The following CEBPZ variants were observed in gnomAD, a reference collection of about 807,000 sequenced individuals.
CEBPZ encodes CCAAT enhancer binding protein zeta, also known as CCAAT/enhancer-binding protein zeta.
A neutral mutation model predicts 104.5 loss-of-function variants in CEBPZ; 78 were observed. The ratio of observed to expected loss-of-function variants is 0.75; its 90% CI spans 0.62 to 0.90. CEBPZ has a LOEUF of 0.90. Among genes scored for constraint, CEBPZ ranks in the 40% least tolerant of loss-of-function variants. The probability of loss-of-function intolerance (pLI) is 0.00; values close to 1 mark genes in which losing one functional copy is unlikely to be tolerated. For synonymous variants in CEBPZ, 470 were observed against 427.0 expected, an observed-to-expected ratio of 1.10 and a Z score of -1.24; for missense variants, 1,439 against 1,233.5, an observed-to-expected ratio of 1.17 and a Z score of -2.50.
In CEBPZ at chr2:37,211,289, T is replaced by C. The variant is rs183451635; in HGVS notation, c.2801-207A>G. On this transcript the variant is annotated intron_variant, in intron 12 of 15. Transcript: ENST00000234170. ...GCACAGTTCTAATATTTTGTGCAAG[T>C]ACAAAATTTTCTAAATAGCTTCATT... 4 of 383,118 alleles carry C rather than the reference T, an allele frequency of 1.0e-5. No homozygotes were observed. In the East Asian group the frequency reaches 1.5e-4, roughly 15 times the overall value. 23.7% of individuals were successfully genotyped at this position (383,118 alleles called of 1,614,324 possible).
In CEBPZ at chr2:37,228,937, C is replaced by T; in HGVS notation, c.256G>A (p.Ala86Thr). 1 of 1,611,428 alleles carries T rather than the reference C, an allele frequency of 6.2e-7. No individual in the cohort carries two copies. Among genetic ancestry groups the T allele is most frequent in the Non-Finnish European group, 8.5e-7 (1 of 1,179,124 alleles). Residue 86 changes from alanine (A) to threonine (T), a missense_variant, in exon 2 of 16, where the codon GCA (alanine) becomes ACA (threonine). By Grantham distance (58) the Ala-to-Thr change is moderately conservative. Coordinates refer to ENST00000234170, the MANE Select transcript of CEBPZ (RefSeq NM_005760.3). ...IDDLQQGELEAFIQNLNLAKY... is the reference protein window; with the variant it reads ...IDDLQQGELETFIQNLNLAKY... The stretch of plus-strand genomic sequence containing the variant: ...GCCAAATTAAGATTTTGAATAAATG[C>T]TTCCAATTCACCTTGCTGAAGGTCA...
At chr2:37,217,731 T>C (rs912121167) in intron 5 of CEBPZ, among the ~76,000 whole-genome samples, 1 of 148,784 alleles carries the variant, frequency 6.7e-6, no homozygotes, top group Non-Finnish European at 1.5e-5. Flanking sequence ...TGAAACCCCA[T>C]CTCTACTAAA....
At position 37,228,195 on chromosome 2, in the gene CEBPZ, CATA is replaced by C. The variant is rs1334385291; in HGVS notation, c.995_997del (p.Leu332del). ...GTGTTTCAGCTGGTGTTCAAAATAC[CATA>C]ATATCAGTCTTCTATCTCTTGAGTC... On this transcript the variant is annotated inframe_deletion, in exon 2 of 16. Transcript: ENST00000234170. The C allele has an allele frequency of 4.3e-6, 7 of 1,614,170 alleles. No individual in the cohort carries two copies. The highest frequency in any genetic ancestry group is 5.9e-6 in the Non-Finnish European group (7 of 1,180,038).
chr2:37,206,700 T>C (rs1206984397), intron 13 of CEBPZ, among the ~76,000 whole-genome samples: 5 of 152,138 alleles, frequency 3.3e-5, no homozygotes, highest in African/African-American at 1.2e-4. Flanking sequence ...TACACCAAAA[T>C]AGAGCCTTCT....
In CEBPZ at chr2:37,229,109, A is replaced by G. The variant is rs1039120177; in HGVS notation, c.157-73T>C. On this transcript the variant is annotated intron_variant, in intron 1 of 15. Coordinates refer to ENST00000234170, the MANE Select transcript of CEBPZ (RefSeq NM_005760.3). ...AAACCATAAAATAATAGGAAACACA[A>G]CATAATTTTAAAAATAATTTCGGAA... 7 of 1,243,760 alleles carry G rather than the reference A, an allele frequency of 5.6e-6. No homozygotes were observed. In the Admixed American group the frequency reaches 2.3e-4, roughly 41 times the overall value. The allele number at this position is 1,243,760 out of a possible 1,614,324, so 77.0% of individuals were successfully genotyped here. A position where few individuals can be genotyped will look rare whatever the true frequency, so the allele number is the denominator to read the frequency against.
chr2:37,212,102 G>A, intron 11 of CEBPZ, 63 bp from the exon 12 acceptor site: 1 of 1,376,122 alleles, frequency 7.3e-7, no homozygotes, highest in Non-Finnish European at 9.9e-7. Context: ...GTGTTTTGCT[G>A]ACTACTAGGG....
intron 15 of CEBPZ, chr2:37,202,358 C>T (rs961788802): frequency 6.2e-6 from 1 of 160,128 alleles, no homozygotes; most frequent in African/African-American, 2.4e-5. Flanking sequence ...AAAAATATTC[C>T]TATCAGCCAG....
intron 13 of CEBPZ, among the ~76,000 whole-genome samples, chr2:37,206,493 G>A (rs553075829): frequency 1.3e-5 from 2 of 152,356 alleles, no homozygotes; most frequent in South Asian, 4.1e-4. Context: ...CAGTAGCTGG[G>A]ATTATAGGGG....
At chr2:37,231,384 C>G in intron 1 of CEBPZ, 28 bp downstream of exon 1, 12 of 1,613,280 alleles carry the variant, frequency 7.4e-6, no homozygotes, top group South Asian at 1.1e-5. Context: ...CACGCCTGAT[C>G]CCGTTCCCCG....
intron 4 of CEBPZ, 99 bp from the exon 5 acceptor site, chr2:37,220,572 A>C: frequency 2.0e-6 from 1 of 496,054 alleles, no homozygotes; most frequent in Non-Finnish European, 3.5e-6. Context: ...AGATATCTCC[A>C]ACATTCTTAC....
chr2:37,220,306 A>T (rs1027259121), intron 5 of CEBPZ, 79 bp downstream of exon 5: 46 of 370,636 alleles, frequency 1.2e-4, no homozygotes, highest in Non-Finnish European at 1.5e-4. Context: ...ACAGAGGAAG[A>T]CTCTGTCTCA....
chr2:37,201,809 C>T lies in CEBPZ; in HGVS notation c.3120G>A (p.Lys1040=), dbSNP rs1558462359. ...TTTTTTGAGTGGTTTTAATCCTCTT[C>T]TTTTTAAAATGTTTCTTTTTCTTGA... The part of the protein sequence containing the change: ...SIIKKKKHFK[K]KRIKTTQKTK... Residue 1040 remains lysine, a synonymous_variant, in exon 16 of 16, where the codon AAG becomes AAA. Coordinates refer to ENST00000234170, the MANE Select transcript of CEBPZ (RefSeq NM_005760.3). The T allele has an allele frequency of 1.9e-6, 3 of 1,584,140 alleles. No homozygotes were observed. The highest frequency in any genetic ancestry group is 1.3e-5 in the African/African-American group (1 of 74,364).
At position 37,228,912 on chromosome 2, in the gene CEBPZ, G is replaced by C. The variant is rs200359704; in HGVS notation, c.281C>G (p.Ala94Gly). The C allele has an allele frequency of 6.2e-7, 1 of 1,610,298 alleles. No individual in the cohort carries two copies. The highest frequency in any genetic ancestry group is 2.2e-5 in the East Asian group (1 of 44,750). Reference sequence around the variant, plus strand: ...AACTAAGGAAGCTTTTGTATACTTCGCCAAATTAAGATTTTGAATAAATGC... The same window carrying C: ...AACTAAGGAAGCTTTTGTATACTTCCCCAAATTAAGATTTTGAATAAATGC... The part of the protein sequence containing the change: ...LEAFIQNLNL[A>G]KYTKASLVEE... The change falls in exon 2 of 16, where the codon GCG (alanine) becomes GGG (glycine). Residue 94 changes from alanine to glycine, a missense_variant. Physicochemically the swap from Ala to Gly is moderately conservative, Grantham distance 60 (BLOSUM62 0). Transcript: ENST00000234170.
At chr2:37,207,160 C>T (rs746275794) in intron 13 of CEBPZ, among the ~76,000 whole-genome samples, 4 of 152,158 alleles carry the variant, frequency 2.6e-5, no homozygotes, top group Non-Finnish European at 4.4e-5. Flanking sequence ...AAAACCATTA[C>T]TACTAGACCT....
At chr2:37,222,986 T>G (rs1243244517) in intron 3 of CEBPZ, among the ~76,000 whole-genome samples, 184 bp downstream of exon 3, 2 of 152,168 alleles carry the variant, frequency 1.3e-5, no homozygotes, top group Non-Finnish European at 2.9e-5. Context: ...AGTAGAAGAG[T>G]TGAGCAACAT....
At chr2:37,230,559 A>T (rs1245677219) in intron 1 of CEBPZ, among the ~76,000 whole-genome samples, 3 of 152,218 alleles carry the variant, frequency 2.0e-5, no homozygotes, top group Non-Finnish European at 4.4e-5. Context: ...TTGAAAGTCC[A>T]GTCTCCAAAC....
chr2:37,204,660 T>G (rs929964339), intron 13 of CEBPZ: 2 of 152,196 alleles, frequency 1.3e-5, no homozygotes, highest in African/African-American at 4.8e-5. Flanking sequence ...TTCTTAAGGA[T>G]ATCTACTCTA....
chr2:37,203,629 C>A (rs969255880), intron 13 of CEBPZ: 1 of 152,182 alleles, frequency 6.6e-6, no homozygotes, highest in Admixed American at 6.5e-5. Context: ...TGTATTAACG[C>A]ATTTTGGTAA....
intron 8 of CEBPZ, 135 bp from the exon 9 acceptor site, chr2:37,215,087 C>A: frequency 1.6e-6 from 1 of 629,544 alleles, no homozygotes. Context: ...ACAGAAGGGA[C>A]TCTGGAGTGC....
Sources: allele counts gnomAD v4.1 joint callset (sites outside exome capture counted in the v4.1 genomes callset), GRCh38; gene constraint gnomAD v4.1.1; transcripts MANE v1.5; gene names NCBI Gene and HGNC (gene_info 2026-07-23, HGNC 2026-07-21).